Variants in USP40 observed in about 807,000 individuals in gnomAD.
USP40 encodes the protein ubiquitin carboxyl-terminal hydrolase 40.
In USP40, 143 loss-of-function variants were observed where a neutral mutation model predicts 166.2. That is an observed-to-expected ratio of 0.86 (90% CI 0.75 to 0.99). The LOEUF is 0.99. Among genes scored for constraint, USP40 ranks in the 50% least tolerant of loss-of-function variants. USP40 has a pLI of 0.00. For synonymous variants in USP40, 498 were observed against 524.0 expected, an observed-to-expected ratio of 0.95 and a Z score of 0.68; for missense variants, 1,444 against 1,479.7, an observed-to-expected ratio of 0.98 and a Z score of 0.40.
rs1366289311 is a variant in USP40 at position 233,540,716 on chromosome 2, C to T, written c.1116G>A (p.Lys372=). 3 of 1,613,324 alleles carry T rather than the reference C, an allele frequency of 1.9e-6. No homozygotes were observed. The highest frequency in any genetic ancestry group is 2.5e-6 in the Non-Finnish European group (3 of 1,179,598). The part of the protein sequence containing the change: ...VDQLGQKLLK[K]IGISWNKKYR... ...ACTTCTTGTTCCAAGATATTCCTATCTTTTTCAAAAGTTTCTGGCCCAGCT... is the reference window on the plus strand; with the variant it reads ...ACTTCTTGTTCCAAGATATTCCTATTTTTTTCAAAAGTTTCTGGCCCAGCT... The change falls in exon 10 of 32, where the codon AAG becomes AAA. Residue 372 remains lysine, a synonymous_variant. Coordinates refer to ENST00000678225, the MANE Select transcript of USP40 (RefSeq NM_001365479.2).
chr2:233,556,593 T>A (rs541099398), intron 5 of USP40: 3 of 213,900 alleles, frequency 1.4e-5, no homozygotes, highest in African/African-American at 6.9e-5. Context: ...GTCTTCTATT[T>A]GTAAATATCC....
At chr2:233,523,857 G>C (rs764367856) in intron 15 of USP40, among the ~76,000 whole-genome samples, 5 of 151,998 alleles carry the variant, frequency 3.3e-5, no homozygotes, top group Non-Finnish European at 5.9e-5. Context: ...ACTCAGTATA[G>C]ATTCTCACTC....
chr2:233,502,678 C>A (rs1176413397), intron 21 of USP40, among the ~76,000 whole-genome samples: 1 of 152,034 alleles, frequency 6.6e-6, no homozygotes, highest in Non-Finnish European at 1.5e-5. Context: ...CAGCACAAAC[C>A]AGCATCCTTT....
chr2:233,549,057 A>C, intron 8 of USP40, 44 bp downstream of exon 8: 1 of 1,548,992 alleles, frequency 6.5e-7, no homozygotes, highest in Non-Finnish European at 8.7e-7. Context: ...ATAGGAATAG[A>C]AAAGAAATTG....
In USP40 at chr2:233,493,492, C is replaced by A; in HGVS notation, c.2850G>T (p.Glu950Asp). Residue 950 changes from glutamate (E) to aspartate (D), a missense_variant, in exon 25 of 32, where the codon GAG becomes GAT. By Grantham distance (45) the Glu-to-Asp change is conservative. Transcript: ENST00000678225. This position sits in a 1 kb window ranked among gnomAD's most constrained non-coding sequence, Gnocchi z 4.7. ...TACAGTTGGTCTGGTCCTGATGACT[C>A]TCCCAGTGTCCTGAGGGACCCTGAA... ...YQLQGPSGHW[E>D]SHQDQTNCTS... 6.2e-7 allele frequency: 1 copy of A among 1,613,860 alleles called. No individual in the cohort carries two copies. Among genetic ancestry groups the A allele is most frequent in the Non-Finnish European group, 8.5e-7 (1 of 1,179,846 alleles).
At chr2:233,477,830 T>A (rs1400307019) in intron 31 of USP40, among the ~76,000 whole-genome samples, 2 of 152,246 alleles carry the variant, frequency 1.3e-5, no homozygotes, top group Non-Finnish European at 2.9e-5. Context: ...ACATCCGGAG[T>A]GCACACACAC....
chr2:233,526,897 TTGC>T (rs1559255206), intron 13 of USP40, among the ~76,000 whole-genome samples: 1 of 152,204 alleles, frequency 6.6e-6, no homozygotes, highest in Non-Finnish European at 1.5e-5. Context: ...AACACTGCTG[TTGC>T]TATCATCATT....
At chr2:233,537,517 T>C (rs944043312) in intron 10 of USP40, among the ~76,000 whole-genome samples, 43 of 152,174 alleles carry the variant, frequency 2.8e-4, no homozygotes, top group Admixed American at 2.7e-3. Flanking sequence ...AAATACATTA[T>C]TGTCAAACTG....
At chr2:233,496,514 GAGA>G (rs1337679549) in intron 24 of USP40, among the ~76,000 whole-genome samples, 1 of 152,194 alleles carries the variant, frequency 6.6e-6, no homozygotes, top group African/African-American at 2.4e-5. Context: ...TGGATTTTAT[GAGA>G]AGGTTAAAAT....
chr2:233,532,905 G>A (rs2068653870), intron 11 of USP40, among the ~76,000 whole-genome samples: 1 of 152,096 alleles, frequency 6.6e-6, no homozygotes. Context: ...CTCCAGCCTG[G>A]ACGAGAGAGT....
At chr2:233,485,469 C>T (rs1272855376) in intron 30 of USP40, 62 bp downstream of exon 30, 1 of 1,284,528 alleles carries the variant, frequency 7.8e-7, no homozygotes, top group East Asian at 2.3e-5. Flanking sequence ...TAAAACGTCT[C>T]TATAAAATCA....
Position 233,554,200 on chromosome 2 carries a change from TG to T in USP40, c.693+179del, listed in dbSNP as rs2070840496. 1.7e-5 allele frequency: 10 copies of T among 589,806 alleles called. 1 individual carries two copies. In the South Asian group the frequency reaches 7.0e-4, roughly 41 times the overall value. The allele number at this position is 589,806 out of a possible 1,614,324, so 36.5% of individuals were successfully genotyped here. ...GAGAAAAGGAAGTTGGGTGAACTGTTGGGTTGAAAGCCTTAAAAATTCATTA... is the reference window on the plus strand; with the variant it reads ...GAGAAAAGGAAGTTGGGTGAACTGTTGGTTGAAAGCCTTAAAAATTCATTA... On this transcript the variant is annotated intron_variant, in intron 6 of 31. Transcript: ENST00000678225.
At chr2:233,484,424 G>A (rs975175660) in intron 30 of USP40, among the ~76,000 whole-genome samples, 2 of 150,962 alleles carry the variant, frequency 1.3e-5, no homozygotes, top group African/African-American at 2.4e-5. Context: ...GGACCCTTTC[G>A]AACTCCTCTA....
At chr2:233,515,923 T>C (rs1559243305) in intron 18 of USP40, among the ~76,000 whole-genome samples, 1 of 152,346 alleles carries the variant, frequency 6.6e-6, no homozygotes, top group East Asian at 1.9e-4. Flanking sequence ...CCCAGCACTA[T>C]TTGTTGAAAA....
intron 31 of USP40, among the ~76,000 whole-genome samples, chr2:233,478,791 A>G (rs78942633): frequency 0.055 from 8,354 of 152,122 alleles, 616 homozygotes; most frequent in African/African-American, 0.17. Flanking sequence ...TGAAAACAGC[A>G]AGGTTACCAA....
In USP40 at chr2:233,518,028, G is replaced by A. The variant is rs187398669; in HGVS notation, c.2383+1586C>T. Among the ~76,000 whole-genome samples the A allele has an allele frequency of 1.2e-3, 178 of 145,994 alleles. 1 individual carries two copies. The highest frequency in any genetic ancestry group is 4.1e-3 in the Admixed American group (60 of 14,626). The stretch of plus-strand genomic sequence containing the variant: ...ATAGTGGACTTTGGGGACTTGGGGG[G>A]AAGGGTGGGAGGGGGATGAGGGATA... On this transcript the variant is annotated intron_variant, in intron 18 of 31. Transcript: ENST00000678225.
chr2:233,527,213 T>C (rs1289343540), intron 13 of USP40, among the ~76,000 whole-genome samples, 194 bp downstream of exon 13: 1 of 152,206 alleles, frequency 6.6e-6, no homozygotes, highest in Non-Finnish European at 1.5e-5. Context: ...AAGCTGCTGG[T>C]AGGAGCTGTG....
chr2:233,546,167 C>A (rs984495207), intron 8 of USP40: 1 of 152,192 alleles, frequency 6.6e-6, no homozygotes, highest in Non-Finnish European at 1.5e-5. Context: ...TGCCTGCCTG[C>A]CCTTTGAGTC....
In USP40 at chr2:233,481,363, C is replaced by T. The variant is rs551733529; in HGVS notation, c.3505-66G>A. On this transcript the variant is annotated intron_variant, in intron 30 of 31. Coordinates refer to ENST00000678225, the MANE Select transcript of USP40 (RefSeq NM_001365479.2). ...CTTTTTAGCCTACATTTAAAAGAGG[C>T]ATGTCTAAAAAACTACCTATATTGA... 5.5e-4 allele frequency: 775 copies of T among 1,421,830 alleles called. 3 individuals are homozygous for T. The East Asian group carries it at 0.015, about 28-fold the overall frequency. The allele number at this position is 1,421,830 out of a possible 1,614,324, so 88.1% of individuals were successfully genotyped here.
Sources: allele counts gnomAD v4.1 joint callset (sites outside exome capture counted in the v4.1 genomes callset), GRCh38; gene constraint gnomAD v4.1.1; non-coding constraint Gnocchi (gnomAD v3.1); transcripts MANE v1.5; gene names NCBI Gene and HGNC (gene_info 2026-07-23, HGNC 2026-07-21).